ADAD1: variants seen among roughly 807,000 people sequenced by gnomAD.
The protein encoded by ADAD1 is adenosine deaminase domain containing 1, also known as adenosine deaminase domain-containing protein 1.
ADAD1 carries 46 observed loss-of-function variants against 66.8 expected under a neutral mutation model. That is an observed-to-expected ratio of 0.69 (90% CI 0.54 to 0.88). ADAD1 has a LOEUF of 0.88. Ranked by LOEUF, ADAD1 falls within the 40% of genes least tolerant of loss-of-function variation. The pLI, the probability that ADAD1 is intolerant of heterozygous loss-of-function variation, is 0.00. For missense variants in ADAD1, 617 were observed against 681.8 expected (o/e 0.91, Z 1.06); for synonymous variants, 248 against 229.4 (o/e 1.08, Z -0.73).
chr4:122,381,351 A>G (rs545537256), intron 4 of ADAD1, among the ~76,000 whole-genome samples, 171 bp downstream of exon 4: 3 of 152,358 alleles, frequency 2.0e-5, no homozygotes, highest in Middle Eastern at 3.4e-3. Context: ...AGCCTCTACA[A>G]ATAACTCACA....
At chr4:122,421,150 T>A in intron 11 of ADAD1, 111 bp from the exon 12 acceptor site, 1 of 822,670 alleles carries the variant, frequency 1.2e-6, no homozygotes, top group African/African-American at 1.7e-5. Context: ...ACTATGTATA[T>A]TGCAAATAAT....
intron 9 of ADAD1, 122 bp from the exon 10 acceptor site, chr4:122,412,458 G>A: frequency 1.3e-6 from 1 of 772,762 alleles, no homozygotes; most frequent in Non-Finnish European, 2.1e-6. Context: ...ATCTGTTTCT[G>A]TTACTGGAAT....
intron 11 of ADAD1, among the ~76,000 whole-genome samples, chr4:122,420,273 G>C (rs745791268): frequency 1.3e-5 from 2 of 152,148 alleles, no homozygotes; most frequent in Non-Finnish European, 2.9e-5. Flanking sequence ...TTACTACTTG[G>C]AAGTTCTTGA....
chr4:122,408,159 T>A, intron 8 of ADAD1, 128 bp downstream of exon 8: 1 of 964,794 alleles, frequency 1.0e-6, no homozygotes, highest in Non-Finnish European at 1.4e-6. Flanking sequence ...CATTTTCTTA[T>A]CTAAGTCATC....
In ADAD1 at chr4:122,383,833, T is replaced by C. The variant is rs779631119; in HGVS notation, c.396T>C (p.Ala132=). 3.8e-5 allele frequency: 61 copies of C among 1,610,354 alleles called. No individual in the cohort carries two copies. Among genetic ancestry groups the C allele is most frequent in the Non-Finnish European group, 4.7e-5 (56 of 1,178,968 alleles). The change falls in exon 5 of 13, where the codon GCT becomes GCC. Residue 132 remains alanine, a synonymous_variant. Transcript: ENST00000296513. The part of the protein sequence containing the change: ...NVMGPYFAFC[A]VVDGIQYKTG... ...TGGGACCATATTTTGCCTTTTGTGC[T>C]GTGGTGGATGGTATTCAGTACAAGA...
At chr4:122,402,042 C>T (rs1796006819) in intron 7 of ADAD1, among the ~76,000 whole-genome samples, 1 of 147,302 alleles carries the variant, frequency 6.8e-6, no homozygotes. Flanking sequence ...TAGTTGTTGC[C>T]TGAATACCTT....
intron 10 of ADAD1, 120 bp from the exon 11 acceptor site, chr4:122,415,259 G>C (rs997431336): frequency 2.8e-6 from 2 of 721,472 alleles, no homozygotes; most frequent in Non-Finnish European, 4.5e-6. Flanking sequence ...ACTAGGAAAG[G>C]GAAGGTTGAA....
chr4:122,387,538 C>A (rs1488118503), intron 5 of ADAD1, among the ~76,000 whole-genome samples: 3 of 152,092 alleles, frequency 2.0e-5, no homozygotes, highest in Non-Finnish European at 4.4e-5. Context: ...ATTTCTTTCT[C>A]TTCCCTGATT....
chr4:122,416,057 T>TA (rs1171877133), intron 11 of ADAD1, among the ~76,000 whole-genome samples: 1 of 152,230 alleles, frequency 6.6e-6, no homozygotes, highest in Admixed American at 6.5e-5. Context: ...TATGTACCCT[T>TA]ACGTGTAAGA....
At chr4:122,429,580 C>CA in intron 12 of ADAD1, 46 bp from the exon 13 acceptor site, 2 of 1,301,992 alleles carry the variant, frequency 1.5e-6, no homozygotes, top group Non-Finnish European at 2.2e-6. Context: ...TTTCAGCAAT[C>CA]AAATGCTGCC....
chr4:122,389,322 G>T (rs1795328400), intron 5 of ADAD1, among the ~76,000 whole-genome samples: 2 of 152,168 alleles, frequency 1.3e-5, no homozygotes, highest in African/African-American at 4.8e-5. Flanking sequence ...GCACTGAGAA[G>T]AATGTATATT....
chr4:122,429,424 GA>G (rs367665444), intron 12 of ADAD1, among the ~76,000 whole-genome samples: 168 of 135,250 alleles, frequency 1.2e-3, no homozygotes, highest in Middle Eastern at 3.7e-3. Context: ...TGGCTCTTAG[GA>G]AAAAAAAAAA....
intron 11 of ADAD1, among the ~76,000 whole-genome samples, chr4:122,418,096 C>T (rs1796826168): frequency 6.6e-6 from 1 of 151,854 alleles, no homozygotes; most frequent in Admixed American, 6.6e-5. Flanking sequence ...GTCAGAATTA[C>T]TTATGAAATG....
intron 7 of ADAD1, among the ~76,000 whole-genome samples, chr4:122,402,609 T>G (rs1172481360): frequency 6.6e-6 from 1 of 152,102 alleles, no homozygotes; most frequent in Non-Finnish European, 1.5e-5. Context: ...TTTAGATTTC[T>G]CTTCTTCCTC....
rs79218591 is a variant in ADAD1, at chr4:122,421,835, G to A, written c.1617+445G>A. ...GATTTGAACCTGATTTAGTAGGTAA[G>A]GTACATAGCCTTTTTTTCTCTCTTC... On this transcript the variant is annotated intron_variant, in intron 12 of 12. Coordinates refer to ENST00000296513, the MANE Select transcript of ADAD1 (RefSeq NM_139243.4). 2.3e-3 allele frequency among the ~76,000 whole-genome samples: 342 copies of A among 151,978 alleles called. 1 individual carries two copies. Among genetic ancestry groups the A allele is most frequent in the Admixed American group, 3.8e-3 (58 of 15,258 alleles).
At chr4:122,405,992 A>G (rs184220116) in intron 7 of ADAD1, among the ~76,000 whole-genome samples, 32 of 152,234 alleles carry the variant, frequency 2.1e-4, no homozygotes, top group Middle Eastern at 3.4e-3. Flanking sequence ...TGGGACATGT[A>G]GGTTTTTTCT....
At chr4:122,391,877 C>T (rs1795469260) in intron 5 of ADAD1, among the ~76,000 whole-genome samples, 1 of 151,872 alleles carries the variant, frequency 6.6e-6, no homozygotes, top group Non-Finnish European at 1.5e-5. Context: ...GCCCAGCTGA[C>T]CTTTGTATTT....
chr4:122,398,859 ACTCTGGTT>A, intron 7 of ADAD1, among the ~76,000 whole-genome samples: 1 of 148,804 alleles, frequency 6.7e-6, no homozygotes. Flanking sequence ...TTCCTTGTAG[ACTCTGGTT>A]ATTAGTCCTT....
intron 5 of ADAD1, among the ~76,000 whole-genome samples, chr4:122,393,231 T>C (rs189975209): frequency 1.2e-4 from 18 of 152,234 alleles, no homozygotes; most frequent in Admixed American, 9.8e-4. Flanking sequence ...ATTTTACTCA[T>C]TAATTTTTAA....
Sources: allele counts gnomAD v4.1 joint callset (sites outside exome capture counted in the v4.1 genomes callset), GRCh38; gene constraint gnomAD v4.1.1; transcripts MANE v1.5; gene names NCBI Gene and HGNC (gene_info 2026-07-23, HGNC 2026-07-21).